The following ANO4 variants were observed in gnomAD, a reference collection of about 807,000 sequenced individuals.
ANO4 encodes anoctamin-4.
ANO4 carries 69 observed loss-of-function variants against 141.9 expected under a neutral mutation model. The ratio of observed to expected loss-of-function variants is 0.49; its 90% CI spans 0.40 to 0.59. ANO4 has a LOEUF of 0.59. Among genes scored for constraint, ANO4 ranks in the 20% least tolerant of loss-of-function variants. The probability of loss-of-function intolerance (pLI) is 0.00; values close to 1 mark genes in which losing one functional copy is unlikely to be tolerated. For missense variants in ANO4, 894 were observed against 1,162.2 expected, an observed-to-expected ratio of 0.77 and a Z score of 3.36; for synonymous variants, 350 against 394.3, an observed-to-expected ratio of 0.89 and a Z score of 1.33.
At chr12:100,878,588 C>G (rs2039424550) in intron 1 of ANO4, among the ~76,000 whole-genome samples, 1 of 152,160 alleles carries the variant, frequency 6.6e-6, no homozygotes, top group Non-Finnish European at 1.5e-5. Context: ...TGAGTTGAGT[C>G]TTCCTCTACC....
At chr12:100,779,026 A>G (rs1243504971) in intron 3 of ANO4, among the ~76,000 whole-genome samples, 2 of 152,004 alleles carry the variant, frequency 1.3e-5, no homozygotes, top group East Asian at 3.8e-4. Context: ...AACAGTGAGC[A>G]TGTATTACTA....
At chr12:101,118,427 T>G (rs34702551) in intron 25 of ANO4, among the ~76,000 whole-genome samples, 15,876 of 152,192 alleles carry the variant, frequency 0.1, 1,017 homozygotes, top group Middle Eastern at 0.15. Flanking sequence ...GCATTTTTCT[T>G]AAAAGTCCCC....
Position 101,020,079 on chromosome 12 carries a change from A to G in ANO4, c.780A>G (p.Arg260=). Residue 260 remains arginine (R), a synonymous_variant, in exon 9 of 28, where the codon AGA becomes AGG. Coordinates refer to ENST00000392977, the MANE Select transcript of ANO4 (RefSeq NM_001286615.2). ...NKETFFNNAT[R]SRIVHHILQR... ...AAACGTTCTTCAACAATGCCACAAG[A>G]AGTAGAATCGTGCATCACATTTTAC... The G allele has an allele frequency of 6.2e-7, 1 of 1,613,816 alleles. No individual in the cohort carries two copies. The highest frequency in any genetic ancestry group is 8.5e-7 in the Non-Finnish European group (1 of 1,179,770).
At chr12:100,907,394 C>T (rs578239789) in intron 2 of ANO4, among the ~76,000 whole-genome samples, 3 of 152,282 alleles carry the variant, frequency 2.0e-5, no homozygotes, top group African/African-American at 7.2e-5. Flanking sequence ...AATTCCGCTT[C>T]CTCCAAGAAG....
intron 5 of ANO4, among the ~76,000 whole-genome samples, chr12:100,948,067 G>A (rs1466413207): frequency 1.3e-5 from 2 of 148,798 alleles, no homozygotes; most frequent in Admixed American, 1.3e-4. Flanking sequence ...GGTGGCGGAC[G>A]CCTGTAGTCC....
chr12:100,823,927 T>A (rs1004671430), intron 1 of ANO4, among the ~76,000 whole-genome samples: 2 of 152,126 alleles, frequency 1.3e-5, no homozygotes, highest in African/African-American at 4.8e-5. Flanking sequence ...ATAGCAAAGA[T>A]AATTAGATTT....
intron 19 of ANO4, 33 bp downstream of exon 19, chr12:101,096,680 C>T: frequency 6.6e-7 from 1 of 1,523,520 alleles, no homozygotes; most frequent in Middle Eastern, 1.7e-4. Context: ...CCTCCCCAAG[C>T]TGAGGACAGA....
At chr12:101,056,114 T>C (rs1217616186) in intron 14 of ANO4, among the ~76,000 whole-genome samples, 1 of 152,302 alleles carries the variant, frequency 6.6e-6, no homozygotes, top group African/African-American at 2.4e-5. Flanking sequence ...TTTGCTGTTT[T>C]AGGTTCTTTG....
chr12:101,082,948 ATC>A (rs2049344804), intron 15 of ANO4, among the ~76,000 whole-genome samples: 1 of 152,086 alleles, frequency 6.6e-6, no homozygotes. Flanking sequence ...CCTTTTCCTA[ATC>A]TCATAATTGG....
chr12:101,012,166 T>C (rs936811654), intron 8 of ANO4, among the ~76,000 whole-genome samples: 2 of 152,128 alleles, frequency 1.3e-5, no homozygotes, highest in Non-Finnish European at 2.9e-5. Flanking sequence ...GGGAATCACA[T>C]GATTTACTTA....
rs1395675903 is a variant in ANO4, at chr12:101,097,831, G to C, written c.1909-17G>C. The C allele has an allele frequency of 6.2e-7, 1 of 1,612,124 alleles. No individual in the cohort carries two copies. Among genetic ancestry groups the C allele is most frequent in the Non-Finnish European group, 8.5e-7 (1 of 1,178,358 alleles). On this transcript the variant is annotated splice_polypyrimidine_tract_variant and intron_variant, in intron 20 of 27. Transcript: ENST00000392977. ...TCTCCATTGATTCTGGAATTTCTGT[G>C]TTTGCTTACCTTGCAGTGCCACCCT...
chr12:100,877,506 C>CT (rs899754281), intron 1 of ANO4, among the ~76,000 whole-genome samples: 57 of 143,806 alleles, frequency 4.0e-4, no homozygotes, highest in Middle Eastern at 3.6e-3. Flanking sequence ...AGACCACGTG[C>CT]TTTTTTTTTT....
At chr12:100,717,730 T>C (rs918943849) in intron 1 of ANO4, among the ~76,000 whole-genome samples, 1 of 152,188 alleles carries the variant, frequency 6.6e-6, no homozygotes, top group Admixed American at 6.5e-5. Flanking sequence ...GGGCCGCGGG[T>C]AACCCGGGAA....
chr12:101,027,920 C>A (rs865813791), intron 9 of ANO4, among the ~76,000 whole-genome samples: 2 of 152,140 alleles, frequency 1.3e-5, no homozygotes, highest in African/African-American at 4.8e-5. Flanking sequence ...AGTGATCCTA[C>A]TGGCATCAGG....
intron 14 of ANO4, among the ~76,000 whole-genome samples, chr12:101,054,589 T>TC (rs976955527): frequency 3.3e-4 from 51 of 152,340 alleles, no homozygotes; most frequent in African/African-American, 1.0e-3. Context: ...AAGCTCCGCC[T>TC]CCCGGCTTCA....
chr12:100,811,310 A>G (rs193118538), intron 1 of ANO4, among the ~76,000 whole-genome samples: 10 of 152,164 alleles, frequency 6.6e-5, no homozygotes, highest in Non-Finnish European at 1.3e-4. Flanking sequence ...TCCATTAGCA[A>G]AGGGTTATAA....
chr12:100,977,610 A>G (rs2044254296), intron 7 of ANO4, among the ~76,000 whole-genome samples: 1 of 152,176 alleles, frequency 6.6e-6, no homozygotes, highest in South Asian at 2.1e-4. Context: ...GTGCAGATGA[A>G]TATTTCTAAA....
At chr12:100,750,002 A>G (rs1267099520) in intron 3 of ANO4, among the ~76,000 whole-genome samples, 1 of 152,214 alleles carries the variant, frequency 6.6e-6, no homozygotes. Context: ...CTGAAGCTTC[A>G]TAGTTTAGGC....
At chr12:100,965,977 A>G (rs571570071) in intron 5 of ANO4, among the ~76,000 whole-genome samples, 3 of 152,086 alleles carry the variant, frequency 2.0e-5, no homozygotes, top group African/African-American at 4.8e-5. Flanking sequence ...TAGCCACTTA[A>G]TGAACATTTT....
Sources: gnomAD v4.1 joint callset for allele counts (sites outside exome capture counted in the v4.1 genomes callset) on GRCh38, gnomAD v4.1.1 for gene constraint, MANE v1.5 for transcripts, NCBI Gene and HGNC (gene_info 2026-07-23, HGNC 2026-07-21) for gene names.